Variants in CDH4 observed in about 807,000 individuals in gnomAD.
The protein encoded by CDH4 is cadherin 4.
In CDH4, 33 loss-of-function variants were observed where a neutral mutation model predicts 86.0. That is an observed-to-expected ratio of 0.38 (90% CI 0.29 to 0.51). The LOEUF is 0.51. CDH4 is among the 20% of genes least tolerant of loss of function. The pLI, the probability that CDH4 is intolerant of heterozygous loss-of-function variation, is 0.86. For synonymous variants in CDH4, 555 were observed against 549.4 expected (o/e 1.01, Z -0.14); for missense variants, 1,114 against 1,307.4 (o/e 0.85, Z 2.28).
chr20:61,792,460 C>A (rs1027730107), intron 4 of CDH4, among the ~76,000 whole-genome samples: 4 of 152,106 alleles, frequency 2.6e-5, no homozygotes, highest in Non-Finnish European at 4.4e-5. Flanking sequence ...GCTGGGTGCG[C>A]GGGAGTTAAG....
In CDH4 at chr20:61,902,194, G is replaced by C. The variant is rs1009556955; in HGVS notation, c.1188+7147G>C. ...GGTCCTCGGCAGGCGTGGAGGCATC[G>C]TGGATGGCCGTTTTCAGAGCAGGGC... On this transcript the variant is annotated intron_variant, in intron 8 of 15. Coordinates refer to ENST00000614565, the MANE Select transcript of CDH4 (RefSeq NM_001794.5). This position sits in a 1 kb window ranked among gnomAD's most constrained non-coding sequence, Gnocchi z 4.6. Among the ~76,000 whole-genome samples, 1 of 152,198 alleles carries C rather than the reference G, an allele frequency of 6.6e-6. No individual in the cohort carries two copies. The highest frequency in any genetic ancestry group is 1.5e-5 in the Non-Finnish European group (1 of 68,036).
intron 2 of CDH4, among the ~76,000 whole-genome samples, chr20:61,687,157 A>G (rs531516770): frequency 6.6e-6 from 1 of 152,224 alleles, no homozygotes; most frequent in African/African-American, 2.4e-5. Flanking sequence ...TTCGGTGTCC[A>G]CTGAAGCAAC....
At chr20:61,265,063 C>T (rs2084149862) in intron 2 of CDH4, among the ~76,000 whole-genome samples, 1 of 151,804 alleles carries the variant, frequency 6.6e-6, no homozygotes, top group African/African-American at 2.4e-5. Context: ...CCCAGTGGCT[C>T]CTTCATTCAA....
chr20:61,366,713 T>G (rs1391228696), intron 2 of CDH4, among the ~76,000 whole-genome samples: 1 of 152,198 alleles, frequency 6.6e-6, no homozygotes, highest in Admixed American at 6.5e-5. Flanking sequence ...TTCAAGTGGT[T>G]TTCCGCCCTG....
In CDH4 at chr20:61,676,317, A is replaced by G. The variant is rs908251756; in HGVS notation, c.170-67246A>G. Among the ~76,000 whole-genome samples the G allele has an allele frequency of 2.0e-5, 3 of 152,330 alleles. No individual in the cohort carries two copies. The highest frequency in any genetic ancestry group is 4.1e-4 in the South Asian group (2 of 4,822). On this transcript the variant is annotated intron_variant, in intron 2 of 15. Transcript: ENST00000614565. The surrounding 1 kb of genome is among the most constrained non-coding windows in gnomAD (Gnocchi z 4.5). Reference sequence around the variant, plus strand: ...CTCAGGTTAGGAAATGAATAGTGCGATTGAATACTGCGGCCCCCAGAGGAG... The same window carrying G: ...CTCAGGTTAGGAAATGAATAGTGCGGTTGAATACTGCGGCCCCCAGAGGAG...
chr20:61,608,266 A>C (rs181568104), intron 2 of CDH4, among the ~76,000 whole-genome samples: 477 of 152,342 alleles, frequency 3.1e-3, no homozygotes, highest in Non-Finnish European at 5.1e-3. Context: ...TAAGCCACGC[A>C]GGTTGGCAGG....
chr20:61,554,859 C>T (rs1302691970), intron 2 of CDH4, among the ~76,000 whole-genome samples: 1 of 150,260 alleles, frequency 6.7e-6, no homozygotes, highest in Non-Finnish European at 1.5e-5. Context: ...CGTGAGTTCG[C>T]ATGTTTGTGT....
chr20:61,842,949 T>C (rs912238262), intron 4 of CDH4, among the ~76,000 whole-genome samples: 42 of 152,360 alleles, frequency 2.8e-4, no homozygotes, highest in Non-Finnish European at 6.0e-4. Flanking sequence ...AAAAGAAATA[T>C]TTTTAAAAGC....
At chr20:61,780,596 G>T (rs1978486612) in intron 4 of CDH4, among the ~76,000 whole-genome samples, 1 of 152,184 alleles carries the variant, frequency 6.6e-6, no homozygotes. Flanking sequence ...ACAGTACCTG[G>T]CAATAATAAA....
intron 2 of CDH4, among the ~76,000 whole-genome samples, chr20:61,286,279 G>A (rs1222265344): frequency 6.6e-6 from 1 of 152,222 alleles, no homozygotes; most frequent in Admixed American, 6.5e-5. Flanking sequence ...TTCAAAGCCA[G>A]ACCTAAGTCC....
At chr20:61,735,701 C>T (rs1320678588) in intron 2 of CDH4, among the ~76,000 whole-genome samples, 1 of 152,248 alleles carries the variant, frequency 6.6e-6, no homozygotes, top group African/African-American at 2.4e-5. Context: ...GCCTCCGTGG[C>T]TAACGGGTCT....
At chr20:61,587,708 G>A (rs962843058) in intron 2 of CDH4, among the ~76,000 whole-genome samples, 4 of 152,268 alleles carry the variant, frequency 2.6e-5, no homozygotes, top group East Asian at 3.9e-4. Flanking sequence ...ACTCAAAGGC[G>A]GACGGCCTTA....
chr20:61,262,178 A>G (rs1451455097), intron 2 of CDH4, among the ~76,000 whole-genome samples: 1 of 152,144 alleles, frequency 6.6e-6, no homozygotes, highest in Non-Finnish European at 1.5e-5. Context: ...AGAAAGTGCC[A>G]CGACTGTGCA....
intron 5 of CDH4, among the ~76,000 whole-genome samples, chr20:61,849,303 G>A (rs981010636): frequency 6.6e-6 from 1 of 152,158 alleles, no homozygotes; most frequent in East Asian, 1.9e-4. Context: ...CCACCTTGTA[G>A]GATGCCCACC....
At chr20:61,769,044 G>A (rs1170649918) in intron 3 of CDH4, among the ~76,000 whole-genome samples, 1 of 152,174 alleles carries the variant, frequency 6.6e-6, no homozygotes, top group African/African-American at 2.4e-5. Context: ...GGAGATGCGG[G>A]GGAGCTGCAG....
intron 2 of CDH4, among the ~76,000 whole-genome samples, chr20:61,741,502 T>TA (rs906891643): frequency 2.0e-5 from 3 of 151,934 alleles, no homozygotes; most frequent in African/African-American, 7.3e-5. Context: ...CTGTACTTTT[T>TA]TTTTTTTGAG....
chr20:61,521,779 C>T (rs1163624067), intron 2 of CDH4, among the ~76,000 whole-genome samples: 4 of 152,174 alleles, frequency 2.6e-5, no homozygotes, highest in Admixed American at 6.5e-5. Flanking sequence ...TTCGTGAGCC[C>T]GGCCGTCTGT....
At chr20:61,878,544 A>G (rs60633779) in intron 7 of CDH4, among the ~76,000 whole-genome samples, 3,118 of 152,296 alleles carry the variant, frequency 0.02, 90 homozygotes, top group African/African-American at 0.059. Context: ...CGCAGCAGCC[A>G]TGTCCCAGGG....
At chr20:61,837,109 C>T (rs944121816) in intron 4 of CDH4, among the ~76,000 whole-genome samples, 1 of 152,244 alleles carries the variant, frequency 6.6e-6, no homozygotes, top group African/African-American at 2.4e-5. Flanking sequence ...GGGAGGATCA[C>T]TTCAGCCCAG....
Sources: allele counts gnomAD v4.1 joint callset (sites outside exome capture counted in the v4.1 genomes callset), GRCh38; gene constraint gnomAD v4.1.1; non-coding constraint Gnocchi (gnomAD v3.1); transcripts MANE v1.5; gene names NCBI Gene and HGNC (gene_info 2026-07-23, HGNC 2026-07-21).